The following TAS2R1 variants were observed in gnomAD, a reference collection of about 807,000 sequenced individuals.
The protein encoded by TAS2R1 is taste 2 receptor member 1, also known as taste receptor type 2 member 1.
For missense variants in TAS2R1, 370 were observed against 353.4 expected (o/e 1.05, Z -0.38); for synonymous variants, 141 against 134.2 (o/e 1.05, Z -0.35).
the TAS2R1 span, among the ~76,000 whole-genome samples, chr5:9,816,235 T>C: frequency 6.6e-6 from 1 of 152,190 alleles, no homozygotes; most frequent in Non-Finnish European, 1.5e-5. Context: ...TGATCAAATA[T>C]GAACATGCTA....
At chr5:9,695,660 C>T (rs1012715365) in intron 1 of TAS2R1, among the ~76,000 whole-genome samples, 3 of 152,114 alleles carry the variant, frequency 2.0e-5, no homozygotes, top group Non-Finnish European at 4.4e-5. Context: ...CACGACTCTA[C>T]CCCTGAGGAT....
chr5:9,647,360 C>T (rs937155495), intron 2 of TAS2R1, among the ~76,000 whole-genome samples: 2 of 152,164 alleles, frequency 1.3e-5, no homozygotes, highest in African/African-American at 4.8e-5. Context: ...GAAGCATAGT[C>T]CAACTCAGTG....
chr5:9,855,109 C>T, the TAS2R1 span, among the ~76,000 whole-genome samples: 1 of 152,144 alleles, frequency 6.6e-6, no homozygotes, highest in Non-Finnish European at 1.5e-5. Context: ...GTACCTTTCA[C>T]GGGATACTTC....
At chr5:9,765,184 G>A in the TAS2R1 span, among the ~76,000 whole-genome samples, 1 of 151,954 alleles carries the variant, frequency 6.6e-6, no homozygotes, top group African/African-American at 2.4e-5. Flanking sequence ...CTGAGCAGAT[G>A]GCTCTTCTAT....
the TAS2R1 span, among the ~76,000 whole-genome samples, chr5:9,857,596 A>T: frequency 2.6e-5 from 4 of 152,206 alleles, no homozygotes; most frequent in African/African-American, 9.6e-5. Context: ...AAATAAATAA[A>T]TTTAATATAA....
chr5:9,757,704 G>T, the TAS2R1 span, among the ~76,000 whole-genome samples: 1 of 152,054 alleles, frequency 6.6e-6, no homozygotes. Flanking sequence ...ATTAGTTCAA[G>T]ACTTTAAATT....
At chr5:9,747,099 G>C in the TAS2R1 span, among the ~76,000 whole-genome samples, 1 of 152,288 alleles carries the variant, frequency 6.6e-6, no homozygotes, top group African/African-American at 2.4e-5. Flanking sequence ...TTAGTGTTAT[G>C]ATAGCTAAGA....
the TAS2R1 span, among the ~76,000 whole-genome samples, chr5:9,754,799 G>A: frequency 7.9e-5 from 12 of 152,234 alleles, no homozygotes; most frequent in South Asian, 1.7e-3. Flanking sequence ...AATTAACATC[G>A]TGAAAATGGC....
intron 1 of TAS2R1, among the ~76,000 whole-genome samples, chr5:9,671,731 T>G (rs1225963117): frequency 6.6e-6 from 1 of 152,088 alleles, no homozygotes; most frequent in Non-Finnish European, 1.5e-5. Flanking sequence ...AATTTACAGA[T>G]TCAATGCTAT....
the TAS2R1 span, among the ~76,000 whole-genome samples, chr5:9,881,312 A>G: frequency 6.6e-6 from 1 of 152,164 alleles, no homozygotes; most frequent in African/African-American, 2.4e-5. Context: ...AAGGGAAGCG[A>G]AGGACCTCTT....
At chr5:9,873,408 CTTT>C in the TAS2R1 span, among the ~76,000 whole-genome samples, 2 of 143,722 alleles carry the variant, frequency 1.4e-5, no homozygotes, top group Non-Finnish European at 1.5e-5. Flanking sequence ...AAGACCAGGC[CTTT>C]TTTTTTTTTT....
At chr5:9,844,458 T>A in the TAS2R1 span, among the ~76,000 whole-genome samples, 1 of 152,240 alleles carries the variant, frequency 6.6e-6, no homozygotes, top group Non-Finnish European at 1.5e-5. Flanking sequence ...AGGTCATGCC[T>A]GTTCATTCTT....
chr5:9,776,961 T>TA, the TAS2R1 span, among the ~76,000 whole-genome samples: 6 of 152,220 alleles, frequency 3.9e-5, no homozygotes, highest in Non-Finnish European at 7.3e-5. Context: ...AACATATGTT[T>TA]AAAAAATGTA....
chr5:9,817,899 G>A, the TAS2R1 span, among the ~76,000 whole-genome samples: 1 of 151,518 alleles, frequency 6.6e-6, no homozygotes, highest in Non-Finnish European at 1.5e-5. Context: ...GAGGGGGAGG[G>A]GAAGTGCCAC....
chr5:9,684,402 AG>A (rs1579782649), intron 1 of TAS2R1, among the ~76,000 whole-genome samples: 1 of 152,334 alleles, frequency 6.6e-6, no homozygotes, highest in African/African-American at 2.4e-5. Context: ...AAATGGTAGC[AG>A]GGAGAAAAGG....
the TAS2R1 span, among the ~76,000 whole-genome samples, chr5:9,738,704 C>G: frequency 6.6e-5 from 10 of 152,058 alleles, no homozygotes; most frequent in Non-Finnish European, 1.5e-4. Context: ...TTTGTTATAC[C>G]AACTTTGCCT....
the TAS2R1 span, among the ~76,000 whole-genome samples, chr5:9,871,015 T>A: frequency 3.1e-3 from 479 of 152,314 alleles, 1 homozygote; most frequent in African/African-American, 0.011. Flanking sequence ...TACAGTTTTG[T>A]TACATAATGC....
At chr5:9,697,841 AT>A (rs2126522864) in intron 1 of TAS2R1, among the ~76,000 whole-genome samples, 1 of 152,240 alleles carries the variant, frequency 6.6e-6, no homozygotes, top group South Asian at 2.1e-4. Context: ...TAAAATAATC[AT>A]TGTTATTATT....
chr5:9,876,861 C>A, the TAS2R1 span, among the ~76,000 whole-genome samples: 1 of 152,150 alleles, frequency 6.6e-6, no homozygotes, highest in Non-Finnish European at 1.5e-5. Context: ...AAGAACATTC[C>A]TTGTCTTTAA....
Sources: allele counts gnomAD v4.1 joint callset (sites outside exome capture counted in the v4.1 genomes callset), GRCh38; gene constraint gnomAD v4.1.1; transcripts MANE v1.5; gene names NCBI Gene and HGNC (gene_info 2026-07-23, HGNC 2026-07-21).